GLRX3: variants seen among roughly 807,000 people sequenced by gnomAD.
GLRX3 encodes the protein glutaredoxin 3, also known as glutaredoxin-3.
In GLRX3, 22 loss-of-function variants were observed where a neutral mutation model predicts 49.5. That is an observed-to-expected ratio of 0.44 (90% CI 0.32 to 0.63). The LOEUF (loss-of-function observed/expected upper bound fraction) is 0.63, where lower values mean the gene tolerates loss of function less well. Among genes scored for constraint, GLRX3 ranks in the 30% least tolerant of loss-of-function variants. The pLI is 0.05. For synonymous variants in GLRX3, 133 were observed against 140.0 expected (o/e 0.95, Z 0.35); for missense variants, 385 against 396.3 (o/e 0.97, Z 0.24).
At position 130,171,592 on chromosome 10, in the gene GLRX3, A is replaced by T. The variant is rs1187705262; in HGVS notation, c.780A>T (p.Lys260Asn). ...AATTTTTTTTCATTTAGGAAGCAAAATGTGGATTCAGCAAACAAATTCTGG... is the reference window on the plus strand; with the variant it reads ...AATTTTTTTTCATTTAGGAAGCAAATTGTGGATTCAGCAAACAAATTCTGG... ...LFMKGNKQEA[K>N]CGFSKQILEI... Residue 260 changes from lysine to asparagine, a missense_variant, in exon 8 of 11, where the codon AAA (lysine) becomes AAT (asparagine). Transcript: ENST00000331244. 1.3e-6 allele frequency: 2 copies of T among 1,539,176 alleles called. No homozygotes were observed. Among genetic ancestry groups the T allele is most frequent in the Non-Finnish European group, 1.8e-6 (2 of 1,111,634 alleles).
At chr10:130,144,398 A>G (rs1237029936) in intron 1 of GLRX3, among the ~76,000 whole-genome samples, 2 of 150,232 alleles carry the variant, frequency 1.3e-5, no homozygotes, top group Non-Finnish European at 2.9e-5. Context: ...CTATCAACCC[A>G]TCATCTAGGT....
rs751753292 is a variant in GLRX3, at chr10:130,166,980, G to A, written c.713G>A (p.Arg238Lys). The A allele has an allele frequency of 5.1e-6, 8 of 1,560,150 alleles. No individual in the cohort carries two copies. The highest frequency in any genetic ancestry group is 7.0e-6 in the Non-Finnish European group (8 of 1,139,650). Residue 238 changes from arginine to lysine, a missense_variant and splice_region_variant, in exon 6 of 11, where the codon AGG becomes AAG. Physicochemically the swap from Arg to Lys is conservative, Grantham distance 26 (BLOSUM62 2). Around this residue, in one of 2 missense-constraint regions of GLRX3, gnomAD observed 374 missense variants for 358.6 expected, o/e 1.04. Coordinates refer to ENST00000331244, the MANE Select transcript of GLRX3 (RefSeq NM_006541.5). ...ICPKAPKLEE[R>K]LKVLTNKASV... ...CCCAAAGCTCCCAAATTAGAGGAAA[G>A]GTAAGTGTTTTAGAAGGTTTCAAAT... is the stretch of plus-strand genomic sequence containing the variant.
intron 2 of GLRX3, among the ~76,000 whole-genome samples, chr10:130,158,628 A>G (rs1311653568): frequency 6.6e-6 from 1 of 152,110 alleles, no homozygotes; most frequent in Non-Finnish European, 1.5e-5. Context: ...GAGCTGGAGG[A>G]TGGTAGTGTA....
At chr10:130,150,672 A>C (rs374918778) in intron 2 of GLRX3, among the ~76,000 whole-genome samples, 10 of 152,360 alleles carry the variant, frequency 6.6e-5, no homozygotes, top group African/African-American at 1.4e-4. Flanking sequence ...AGATCTGTAC[A>C]ATCATTATAA....
At chr10:130,137,595 T>G (rs1417796032) in intron 1 of GLRX3, among the ~76,000 whole-genome samples, 3 of 152,288 alleles carry the variant, frequency 2.0e-5, no homozygotes, top group Non-Finnish European at 4.4e-5. Flanking sequence ...ACCTCAGGGT[T>G]GTTGTGAGGG....
intron 2 of GLRX3, among the ~76,000 whole-genome samples, chr10:130,157,617 T>G (rs1188119468): frequency 6.7e-6 from 1 of 149,674 alleles, no homozygotes; most frequent in Non-Finnish European, 1.5e-5. Context: ...GGAGTAATGT[T>G]TTAACAGCTG....
chr10:130,160,505 T>G (rs926916699), intron 3 of GLRX3, among the ~76,000 whole-genome samples: 1 of 152,224 alleles, frequency 6.6e-6, no homozygotes, highest in African/African-American at 2.4e-5. Flanking sequence ...CCCAAATACC[T>G]CATTTATACT....
rs753281821 is a variant in GLRX3 at position 130,174,875 on chromosome 10, A to T, written c.833A>T (p.Tyr278Phe). 1 of 1,591,538 alleles carries T rather than the reference A, an allele frequency of 6.3e-7. No individual in the cohort carries two copies. Among genetic ancestry groups the T allele is most frequent in the South Asian group, 1.1e-5 (1 of 90,604 alleles). Residue 278 changes from tyrosine (Y) to phenylalanine (F), a missense_variant, in exon 9 of 11, where the codon TAT becomes TTT. Physicochemically the swap from Tyr to Phe is conservative, Grantham distance 22. This residue lies in a region of GLRX3 where 374 missense variants were observed against 358.6 expected (regional missense o/e 1.04). Coordinates refer to ENST00000331244, the MANE Select transcript of GLRX3 (RefSeq NM_006541.5). ...LEILNSTGVE[Y>F]ETFDILEDEE... ...TCTTCTCTTTTTTGCAGTGTTGAAT[A>T]TGAAACATTCGATATATTGGAGGAT... is the stretch of plus-strand genomic sequence containing the variant.
chr10:130,141,736 A>G (rs1313776611), intron 1 of GLRX3, among the ~76,000 whole-genome samples: 1 of 152,004 alleles, frequency 6.6e-6, no homozygotes, highest in Non-Finnish European at 1.5e-5. Flanking sequence ...TCCAGTTTTG[A>G]TTTATTATGT....
chr10:130,152,411 C>G lies in GLRX3; in HGVS notation c.201+7092C>G, dbSNP rs184035807. On this transcript the variant is annotated intron_variant, in intron 2 of 10. Coordinates refer to ENST00000331244, the MANE Select transcript of GLRX3 (RefSeq NM_006541.5). Reference sequence around the variant, plus strand: ...TTTCTTCATAGTGTCGATGGTGTTTCACCATTTGGCCTGTTTTTGCAGTGG... The same window carrying G: ...TTTCTTCATAGTGTCGATGGTGTTTGACCATTTGGCCTGTTTTTGCAGTGG... Among the ~76,000 whole-genome samples, 761 of 152,302 alleles carry G rather than the reference C, an allele frequency of 5.0e-3. 2 individuals are homozygous for G. Among genetic ancestry groups the G allele is most frequent in the African/African-American group, 0.016 (647 of 41,570 alleles).
intron 1 of GLRX3, among the ~76,000 whole-genome samples, chr10:130,138,203 C>G (rs373107948): frequency 2.6e-5 from 4 of 152,152 alleles, no homozygotes; most frequent in South Asian, 4.1e-4. Flanking sequence ...ACTACACGTG[C>G]GGTCCACCAC....
intron 10 of GLRX3, among the ~76,000 whole-genome samples, chr10:130,176,099 T>C (rs1378362809): frequency 6.6e-6 from 1 of 152,158 alleles, no homozygotes; most frequent in African/African-American, 2.4e-5. Context: ...TCTAGTTATG[T>C]TGTAAAATAA....
rs540609372 is a variant in GLRX3 at position 130,151,047 on chromosome 10, C to T, written c.201+5728C>T. Among the ~76,000 whole-genome samples the T allele has an allele frequency of 2.6e-5, 4 of 152,016 alleles. No homozygotes were observed. The South Asian group carries it at 8.3e-4, about 32-fold the overall frequency. The stretch of plus-strand genomic sequence containing the variant: ...GGTTCAAGGAATTCTCCTGCCTCAG[C>T]CTCCTGAGTAGCTGGGATTACAGGT... On this transcript the variant is annotated intron_variant, in intron 2 of 10. Transcript: ENST00000331244.
At chr10:130,148,284 C>T (rs1007887376) in intron 2 of GLRX3, among the ~76,000 whole-genome samples, 2 of 151,844 alleles carry the variant, frequency 1.3e-5, no homozygotes, top group Non-Finnish European at 2.9e-5. Flanking sequence ...AGGTGTACAC[C>T]CCTGCCCAGC....
At position 130,167,830 on chromosome 10, in the gene GLRX3, C is replaced by T. The variant is rs146682027; in HGVS notation, c.713+850C>T. ...GTATGTCAGGCTGATCTTTGAGTGC[C>T]GCATTCTGTCCTGTGGTTGGTACCA... is the stretch of plus-strand genomic sequence containing the variant. On this transcript the variant is annotated intron_variant, in intron 6 of 10. Coordinates refer to ENST00000331244, the MANE Select transcript of GLRX3 (RefSeq NM_006541.5). 7.6e-3 allele frequency among the ~76,000 whole-genome samples: 1,151 copies of T among 152,128 alleles called. 21 individuals are homozygous for T. The highest frequency in any genetic ancestry group is 0.026 in the African/African-American group (1,068 of 41,488).
chr10:130,140,884 A>G (rs1325138514), intron 1 of GLRX3, among the ~76,000 whole-genome samples: 2 of 152,208 alleles, frequency 1.3e-5, no homozygotes, highest in Non-Finnish European at 2.9e-5. Flanking sequence ...AAGTAGTGGG[A>G]AAATATCCAT....
At chr10:130,155,026 C>T (rs949551079) in intron 2 of GLRX3, among the ~76,000 whole-genome samples, 3 of 151,876 alleles carry the variant, frequency 2.0e-5, no homozygotes, top group African/African-American at 7.3e-5. Context: ...GGCCAGGGTG[C>T]AGTGGTGTGA....
At chr10:130,155,942 A>G (rs1862463034) in intron 2 of GLRX3, among the ~76,000 whole-genome samples, 1 of 152,148 alleles carries the variant, frequency 6.6e-6, no homozygotes, top group Admixed American at 6.5e-5. Flanking sequence ...GGTTGTGGTC[A>G]CTGTTACTGA....
At chr10:130,136,751 G>A (rs1486277396) in intron 1 of GLRX3, among the ~76,000 whole-genome samples, 1 of 152,158 alleles carries the variant, frequency 6.6e-6, no homozygotes, top group South Asian at 2.1e-4. Flanking sequence ...TGGAAGCCCC[G>A]GCCCCAGCCC....
Sources: allele counts gnomAD v4.1 joint callset (sites outside exome capture counted in the v4.1 genomes callset), GRCh38; gene constraint gnomAD v4.1.1; regional missense constraint gnomAD v4.1.1; transcripts MANE v1.5; gene names NCBI Gene and HGNC (gene_info 2026-07-23, HGNC 2026-07-21).